Variants in MYLK observed in about 807,000 individuals in gnomAD.
MYLK encodes the protein myosin light chain kinase, smooth muscle.
MYLK carries 106 observed loss-of-function variants against 203.4 expected under a neutral mutation model. The observed-to-expected ratio is 0.52, with a 90% confidence interval of 0.45 to 0.61. The LOEUF is 0.61. Among genes scored for constraint, MYLK ranks in the 20% least tolerant of loss-of-function variants. The pLI, the probability that MYLK is intolerant of heterozygous loss-of-function variation, is 0.00. For missense variants in MYLK, 2,072 were observed against 2,442.3 expected (o/e 0.85, Z 3.20); for synonymous variants, 867 against 959.5 (o/e 0.90, Z 1.78).
At chr3:123,638,384 A>C (rs1423315929) in intron 28 of MYLK, among the ~76,000 whole-genome samples, 190 bp from the exon 29 acceptor site, 1 of 151,936 alleles carries the variant, frequency 6.6e-6, no homozygotes, top group Non-Finnish European at 1.5e-5. Context: ...TGAAACCAAC[A>C]AACCTCACAC....
intron 6 of MYLK, among the ~76,000 whole-genome samples, chr3:123,739,455 A>C (rs539321008): frequency 6.6e-6 from 1 of 152,228 alleles, no homozygotes; most frequent in Non-Finnish European, 1.5e-5. Context: ...GAGATGCAGA[A>C]GGCCCAGTGG....
intron 13 of MYLK, among the ~76,000 whole-genome samples, chr3:123,711,103 G>A (rs1476396630): frequency 6.6e-6 from 1 of 151,834 alleles, no homozygotes; most frequent in African/African-American, 2.4e-5. Flanking sequence ...AAAAAAAAAG[G>A]AAGATGCCAA....
intron 3 of MYLK, among the ~76,000 whole-genome samples, chr3:123,819,160 C>G (rs907599167): frequency 6.6e-6 from 1 of 152,226 alleles, no homozygotes; most frequent in African/African-American, 2.4e-5. Context: ...ATGTCTCTCA[C>G]AGTTTTGCAC....
At chr3:123,715,773 C>T (rs1408989231) in intron 13 of MYLK, 2 of 152,172 alleles carry the variant, frequency 1.3e-5, no homozygotes, top group Non-Finnish European at 2.9e-5. Context: ...CCCTTCACAG[C>T]CCTTCCTTTT....
chr3:123,632,499 C>T (rs1210485827), intron 29 of MYLK, among the ~76,000 whole-genome samples: 3 of 152,188 alleles, frequency 2.0e-5, no homozygotes, highest in Non-Finnish European at 4.4e-5. Context: ...CAACTCTGGG[C>T]ACAGTCAGGG....
chr3:123,732,994 C>T lies in MYLK; in HGVS notation c.1418G>A (p.Cys473Tyr). 1.2e-6 allele frequency: 2 copies of T among 1,614,188 alleles called. No individual in the cohort carries two copies. The highest frequency in any genetic ancestry group is 1.7e-6 in the Non-Finnish European group (2 of 1,180,020). Reference sequence around the variant, plus strand: ...GTCCCTGGTCCGGGCTTTCAGCAGGCAGAGGTAATGGGAGCCAGCATCTTC... The same window carrying T: ...GTCCCTGGTCCGGGCTTTCAGCAGGTAGAGGTAATGGGAGCCAGCATCTTC... ...VYEDAGSHYLCLLKARTRDSG... is the reference protein window; with the variant it reads ...VYEDAGSHYLYLLKARTRDSG... Residue 473 changes from cysteine to tyrosine, a missense_variant, in exon 11 of 34, where the codon TGC becomes TAC. Cys to Tyr is a radical substitution (Grantham distance 194). Around this residue, in one of 3 missense-constraint regions of MYLK, gnomAD observed 683 missense variants for 643.8 expected, o/e 1.06. Transcript: ENST00000360304.
rs1553826494 is a variant in MYLK at position 123,740,008 on chromosome 3, G to A, written c.374-7C>T. On this transcript the variant is annotated splice_region_variant and splice_polypyrimidine_tract_variant and intron_variant, in intron 5 of 33. Transcript: ENST00000360304. ...AGCTGCTTCGCAAAACTTCCTGCAA[G>A]AAAAAGAGTTGATGAGTCAGGTCTG... is the stretch of plus-strand genomic sequence containing the variant. 8.1e-6 allele frequency: 13 copies of A among 1,613,686 alleles called. No homozygotes were observed. The highest frequency in any genetic ancestry group is 1.0e-5 in the Non-Finnish European group (12 of 1,179,758).
intron 4 of MYLK, among the ~76,000 whole-genome samples, chr3:123,759,982 CA>C (rs558291344): frequency 1.1e-4 from 17 of 151,572 alleles, no homozygotes; most frequent in African/African-American, 4.1e-4. Context: ...CTGTCACCTG[CA>C]AAAAAAAGTC....
At chr3:123,828,834 A>C (rs1475866015) in intron 3 of MYLK, among the ~76,000 whole-genome samples, 1 of 152,254 alleles carries the variant, frequency 6.6e-6, no homozygotes, top group Non-Finnish European at 1.5e-5. Flanking sequence ...AATTGCCAAC[A>C]AATATATGGA....
chr3:123,739,966 AAAC>A lies in MYLK; in HGVS notation c.406_408del (p.Val136del). On this transcript the variant is annotated inframe_deletion, in exon 6 of 34. Transcript: ENST00000360304. ...TCCAGGACTTACCCTAAGGTTTTGGAAACAACAGGCTGACCAAGCTGCTTCGCA... is the reference window on the plus strand; with the variant it reads ...TCCAGGACTTACCCTAAGGTTTTGGAAACAGGCTGACCAAGCTGCTTCGCA... The A allele has an allele frequency of 6.2e-7, 1 of 1,614,016 alleles. No homozygotes were observed. Among genetic ancestry groups the A allele is most frequent in the Non-Finnish European group, 8.5e-7 (1 of 1,179,878 alleles).
At chr3:123,673,053 G>A (rs575474889) in intron 20 of MYLK, among the ~76,000 whole-genome samples, 14 of 152,100 alleles carry the variant, frequency 9.2e-5, no homozygotes, top group Non-Finnish European at 1.9e-4. Flanking sequence ...AATGGGATCT[G>A]AGCCTCCTGC....
intron 2 of MYLK, among the ~76,000 whole-genome samples, chr3:123,840,425 C>A (rs6438811): frequency 0.76 from 113,771 of 149,612 alleles, 43,314 homozygotes; most frequent in East Asian, 0.93. Context: ...GTCTCTCTCT[C>A]TATATATATA....
chr3:123,862,569 C>G (rs1295806917), intron 2 of MYLK, among the ~76,000 whole-genome samples: 1 of 152,186 alleles, frequency 6.6e-6, no homozygotes, highest in Non-Finnish European at 1.5e-5. Context: ...TGCTTGCTGA[C>G]TTTCCCTACC....
intron 4 of MYLK, among the ~76,000 whole-genome samples, chr3:123,775,026 T>C (rs753109524): frequency 4.0e-5 from 6 of 151,806 alleles, no homozygotes; most frequent in Non-Finnish European, 7.4e-5. Flanking sequence ...TTCAACATGG[T>C]AAATTTTTTT....
chr3:123,739,873 C>T, intron 6 of MYLK, 80 bp downstream of exon 6: 1 of 1,487,724 alleles, frequency 6.7e-7, no homozygotes, highest in African/African-American at 1.4e-5. Flanking sequence ...AGAGCCAAGA[C>T]TTACTCCCCA....
chr3:123,822,082 T>C (rs2065957109), intron 3 of MYLK, among the ~76,000 whole-genome samples: 1 of 152,220 alleles, frequency 6.6e-6, no homozygotes, highest in African/African-American at 2.4e-5. Context: ...CTTGTCCTTC[T>C]ACCTTCCACC....
intron 2 of MYLK, among the ~76,000 whole-genome samples, chr3:123,875,389 C>T (rs2033086629): frequency 1.3e-5 from 2 of 152,142 alleles, no homozygotes; most frequent in South Asian, 4.1e-4. Context: ...ACCATGACTC[C>T]ATTTATATGA....
intron 2 of MYLK, among the ~76,000 whole-genome samples, chr3:123,858,341 C>A (rs150019568): frequency 0.012 from 1,901 of 152,284 alleles, 20 homozygotes; most frequent in Middle Eastern, 0.024. Context: ...TTCACCCATT[C>A]CCTTTGTCTC....
At chr3:123,881,703 C>A (rs2033551659) in intron 1 of MYLK, among the ~76,000 whole-genome samples, 1 of 152,146 alleles carries the variant, frequency 6.6e-6, no homozygotes, top group South Asian at 2.1e-4. Flanking sequence ...GTTTCAAACT[C>A]TAGGCTCATC....
Sources: gnomAD v4.1 joint callset for allele counts (sites outside exome capture counted in the v4.1 genomes callset) on GRCh38, gnomAD v4.1.1 for gene constraint, gnomAD v4.1.1 regional missense constraint, MANE v1.5 for transcripts, NCBI Gene and HGNC (gene_info 2026-07-23, HGNC 2026-07-21) for gene names.